Variants in TECRL observed in about 807,000 individuals in gnomAD.
TECRL encodes the protein trans-2,3-enoyl-CoA reductase like.
In TECRL, 63 loss-of-function variants were observed where a neutral mutation model predicts 52.8. The ratio of observed to expected loss-of-function variants is 1.19; its 90% CI spans 0.97 to 1.47. The LOEUF is 1.47. TECRL is among the 40% of genes most tolerant of loss of function. TECRL has a pLI of 0.00. For synonymous variants in TECRL, 164 were observed against 141.9 expected, an observed-to-expected ratio of 1.16 and a Z score of -1.10; for missense variants, 482 against 429.6, an observed-to-expected ratio of 1.12 and a Z score of -1.08.
In TECRL at chr4:64,373,903, C is replaced by T. The variant is rs541916990; in HGVS notation, c.286+1269G>A. 4.1e-3 allele frequency among the ~76,000 whole-genome samples: 606 copies of T among 148,580 alleles called. 4 individuals are homozygous for T. The highest frequency in any genetic ancestry group is 6.9e-3 in the Non-Finnish European group (465 of 67,232). ...AATAAATTTATTTTAAGTAGAAATA[C>T]ACCAAAAATACTTATATATACTATA... On this transcript the variant is annotated intron_variant, in intron 2 of 11. Coordinates refer to ENST00000381210, the MANE Select transcript of TECRL (RefSeq NM_001010874.5).
chr4:64,407,052 A>G (rs1578008672), intron 1 of TECRL, among the ~76,000 whole-genome samples: 1 of 151,970 alleles, frequency 6.6e-6, no homozygotes, highest in East Asian at 1.9e-4. Context: ...TTTTCTCTGA[A>G]GTGTCTCACC....
At chr4:64,377,287 C>T (rs552846809) in intron 1 of TECRL, among the ~76,000 whole-genome samples, 6 of 152,014 alleles carry the variant, frequency 3.9e-5, no homozygotes, top group Admixed American at 2.6e-4. Flanking sequence ...ATTCAATTAG[C>T]CACAGGATTG....
At chr4:64,393,732 T>C (rs1041924236) in intron 1 of TECRL, among the ~76,000 whole-genome samples, 1 of 151,816 alleles carries the variant, frequency 6.6e-6, no homozygotes, top group East Asian at 1.9e-4. Flanking sequence ...TATGATTGTA[T>C]TTAGAAATTA....
rs548628480 is a variant in TECRL, at chr4:64,281,114, A to G, written c.919-28T>C. ...GTTATATTAAAACTTAAATTAGCAC[A>G]TACATAAATGGAATCTAGTAATTTG... On this transcript the variant is annotated intron_variant, in intron 10 of 11. Transcript: ENST00000381210. 1.2e-5 allele frequency: 19 copies of G among 1,564,802 alleles called. No homozygotes were observed. The South Asian group carries it at 1.5e-4, about 13-fold the overall frequency.
Position 64,300,032 on chromosome 4 carries a change from A to C in TECRL, c.731-15T>G, listed in dbSNP as rs752570548. 1 of 1,564,630 alleles carries C rather than the reference A, an allele frequency of 6.4e-7. No homozygotes were observed. The highest frequency in any genetic ancestry group is 1.2e-5 in the South Asian group (1 of 84,132). On this transcript the variant is annotated splice_polypyrimidine_tract_variant and intron_variant, in intron 7 of 11. Coordinates refer to ENST00000381210, the MANE Select transcript of TECRL (RefSeq NM_001010874.5). ...GTTTCCAAATGCTGGAGAGTAGAAA[A>C]AGAATATGTCATGCAGATACTCATA...
intron 3 of TECRL, among the ~76,000 whole-genome samples, chr4:64,328,306 T>C (rs1204516695): frequency 6.6e-6 from 1 of 152,152 alleles, no homozygotes; most frequent in East Asian, 1.9e-4. Context: ...AATCTGCTTC[T>C]AAAACTCACA....
chr4:64,396,725 A>C (rs2086732), intron 1 of TECRL, among the ~76,000 whole-genome samples: 1 of 151,772 alleles, frequency 6.6e-6, no homozygotes, highest in African/African-American at 2.4e-5. Context: ...TAAAATCTTT[A>C]CCAGTTCCTA....
At chr4:64,366,084 A>G (rs148761623) in intron 2 of TECRL, among the ~76,000 whole-genome samples, 130 of 152,108 alleles carry the variant, frequency 8.5e-4, no homozygotes, top group African/African-American at 3.1e-3. Flanking sequence ...AAGCCACACA[A>G]ATACAATAAT....
intron 7 of TECRL, among the ~76,000 whole-genome samples, chr4:64,302,789 GT>G (rs1239376021): frequency 6.6e-6 from 1 of 151,180 alleles, no homozygotes; most frequent in Non-Finnish European, 1.5e-5. Context: ...TAATTGAAGT[GT>G]TTCATTTCAT....
rs563823401 is a variant in TECRL, at chr4:64,300,078, A to G, written c.731-61T>C. The G allele has an allele frequency of 3.3e-5, 43 of 1,301,088 alleles. No individual in the cohort carries two copies. The East Asian group carries it at 8.7e-4, about 26-fold the overall frequency. 80.6% of individuals were successfully genotyped at this position (1,301,088 alleles called of 1,614,324 possible). On this transcript the variant is annotated intron_variant, in intron 7 of 11. Transcript: ENST00000381210. The stretch of plus-strand genomic sequence containing the variant: ...TCATAGTTTGGATTGTCAAATATAT[A>G]GACATAATTCAGGCAGTATTTATTG...
rs563211065 is a variant in TECRL at position 64,328,341 on chromosome 4, T to G, written c.331+171A>C. Among the ~76,000 whole-genome samples the G allele has an allele frequency of 7.9e-5, 12 of 152,110 alleles. No individual in the cohort carries two copies. The South Asian group carries it at 2.5e-3, about 32-fold the overall frequency. Reference sequence around the variant, plus strand: ...AGACAGTGAATATGTAAAAAATACCTATTTGAGACTAAATTATTCATTTAT... The same window carrying G: ...AGACAGTGAATATGTAAAAAATACCGATTTGAGACTAAATTATTCATTTAT... On this transcript the variant is annotated intron_variant, in intron 3 of 11. Transcript: ENST00000381210.
At chr4:64,360,138 T>TA (rs1213545608) in intron 2 of TECRL, among the ~76,000 whole-genome samples, 4 of 152,164 alleles carry the variant, frequency 2.6e-5, no homozygotes, top group African/African-American at 9.6e-5. Flanking sequence ...TAATATGTCT[T>TA]ACATCAGATA....
intron 4 of TECRL, among the ~76,000 whole-genome samples, chr4:64,317,394 G>A (rs1717579673): frequency 6.6e-6 from 1 of 150,738 alleles, no homozygotes; most frequent in Non-Finnish European, 1.5e-5. Context: ...AATGCATTTC[G>A]TTTTATCTTG....
At chr4:64,392,969 T>C (rs1360294213) in intron 1 of TECRL, among the ~76,000 whole-genome samples, 1 of 151,934 alleles carries the variant, frequency 6.6e-6, no homozygotes, top group Non-Finnish European at 1.5e-5. Flanking sequence ...TCAAGTTATA[T>C]ACTAGTCACT....
chr4:64,360,794 A>G (rs1410126447), intron 2 of TECRL, among the ~76,000 whole-genome samples: 1 of 152,166 alleles, frequency 6.6e-6, no homozygotes, highest in Admixed American at 6.6e-5. Flanking sequence ...TACTCTCACT[A>G]TGGAGTTCTG....
chr4:64,328,087 T>C (rs2110043750), intron 3 of TECRL, among the ~76,000 whole-genome samples: 1 of 152,120 alleles, frequency 6.6e-6, no homozygotes, highest in Non-Finnish European at 1.5e-5. Context: ...GGTTTAATAG[T>C]GGGCATAATG....
intron 1 of TECRL, among the ~76,000 whole-genome samples, chr4:64,404,230 A>T (rs1724560628): frequency 6.6e-6 from 1 of 151,526 alleles, no homozygotes. Flanking sequence ...CAAAAAAAAA[A>T]AAAAAACAAT....
At chr4:64,305,094 G>T in intron 7 of TECRL, 72 bp downstream of exon 7, 1 of 1,031,716 alleles carries the variant, frequency 9.7e-7, no homozygotes, top group Non-Finnish European at 1.4e-6. Context: ...ATTCCTTTAT[G>T]TATGTCATTT....
chr4:64,369,449 C>A (rs2109652239), intron 2 of TECRL, among the ~76,000 whole-genome samples: 1 of 152,124 alleles, frequency 6.6e-6, no homozygotes, highest in South Asian at 2.1e-4. Context: ...TACATAATTT[C>A]TAAAATGAAC....
Sources: allele counts gnomAD v4.1 joint callset (sites outside exome capture counted in the v4.1 genomes callset), GRCh38; gene constraint gnomAD v4.1.1; transcripts MANE v1.5; gene names NCBI Gene and HGNC (gene_info 2026-07-23, HGNC 2026-07-21).